SYN2: variants seen among roughly 807,000 people sequenced by gnomAD.
SYN2 encodes the protein synapsin II, also known as synapsin-2.
Under a neutral mutation model 50.9 loss-of-function variants are expected in SYN2, and 19 were observed. That is an observed-to-expected ratio of 0.37 (90% CI 0.26 to 0.55). The LOEUF is 0.55. Among genes scored for constraint, SYN2 ranks in the 20% least tolerant of loss-of-function variants. The probability of loss-of-function intolerance (pLI) is 0.81; values close to 1 mark genes in which losing one functional copy is unlikely to be tolerated. For synonymous variants in SYN2, 255 were observed against 224.9 expected (o/e 1.13, Z -1.20); for missense variants, 587 against 576.4 (o/e 1.02, Z -0.19).
rs1299354052 is a variant in SYN2, at chr3:12,136,544, T to C, written c.378-4107T>C. Among the ~76,000 whole-genome samples the C allele has an allele frequency of 3.7e-4, 57 of 152,322 alleles. No homozygotes were observed. In the South Asian group the frequency reaches 9.1e-3, roughly 24 times the overall value. On this transcript the variant is annotated intron_variant, in intron 1 of 12. Transcript: ENST00000621198. Reference sequence around the variant, plus strand: ...ATCCAATGCATAAAAGAGGGCGTATTTAAGCTAGGCTTGCCTGGGTTGGGC... The same window carrying C: ...ATCCAATGCATAAAAGAGGGCGTATCTAAGCTAGGCTTGCCTGGGTTGGGC...
chr3:12,059,609 T>TA (rs1695071583), intron 1 of SYN2, among the ~76,000 whole-genome samples: 1 of 152,198 alleles, frequency 6.6e-6, no homozygotes. Context: ...CTCAGGGACA[T>TA]ACGTTAAGAT....
intron 12 of SYN2, among the ~76,000 whole-genome samples, chr3:12,188,929 A>G (rs1442670053): frequency 6.6e-6 from 1 of 152,156 alleles, no homozygotes; most frequent in Non-Finnish European, 1.5e-5. Flanking sequence ...AAGCTGTTGA[A>G]TAGAGCCAAC....
intron 1 of SYN2, among the ~76,000 whole-genome samples, chr3:12,049,952 G>C (rs967107630): frequency 6.6e-6 from 1 of 152,030 alleles, no homozygotes; most frequent in African/African-American, 2.4e-5. Flanking sequence ...TGTTTTGTTT[G>C]TTTTTGTTTT....
intron 1 of SYN2, among the ~76,000 whole-genome samples, chr3:12,139,810 G>A (rs1455923057): frequency 5.9e-5 from 9 of 152,164 alleles, no homozygotes; most frequent in Admixed American, 5.9e-4. Flanking sequence ...TGGAGAACCA[G>A]CCTAAAAGGA....
At chr3:12,118,467 A>C (rs1696482963) in intron 1 of SYN2, among the ~76,000 whole-genome samples, 1 of 152,224 alleles carries the variant, frequency 6.6e-6, no homozygotes, top group African/African-American at 2.4e-5. Flanking sequence ...TTTACAGATG[A>C]GGAAACAGGC....
At chr3:12,161,809 C>T in intron 6 of SYN2, 2 of 974,194 alleles carry the variant, frequency 2.1e-6, no homozygotes, top group Middle Eastern at 3.3e-4. Flanking sequence ...GCTTGGTCCT[C>T]TGGGTCCTTT....
At chr3:12,063,819 A>T (rs1236210700) in intron 1 of SYN2, among the ~76,000 whole-genome samples, 1 of 151,980 alleles carries the variant, frequency 6.6e-6, no homozygotes, top group Non-Finnish European at 1.5e-5. Context: ...GTCCATACTG[A>T]TGCAAATAAA....
chr3:12,141,976 G>C lies in SYN2; in HGVS notation c.507G>C (p.Arg169=). The C allele has an allele frequency of 1.3e-6, 1 of 780,852 alleles. No homozygotes were observed. The highest frequency in any genetic ancestry group is 2.4e-6 in the Non-Finnish European group (1 of 417,944). 48.4% of individuals were successfully genotyped at this position (780,852 alleles called of 1,614,324 possible). A position where few individuals can be genotyped will look rare whatever the true frequency, so the allele number is the denominator to read the frequency against. ...GTYAVDMQVL[R]NGTKVVRSFR... Reference sequence around the variant, plus strand: ...ATGCTGTGGATATGCAGGTTCTCCGGAATGGCACAAAGGTTGTCCGGTAAG... The same window carrying C: ...ATGCTGTGGATATGCAGGTTCTCCGCAATGGCACAAAGGTTGTCCGGTAAG... Residue 169 remains arginine (R), a synonymous_variant, in exon 3 of 13, where the codon CGG becomes CGC. Transcript: ENST00000621198.
intron 1 of SYN2, among the ~76,000 whole-genome samples, chr3:12,019,979 TA>T (rs1232024860): frequency 6.6e-6 from 1 of 152,188 alleles, no homozygotes; most frequent in Non-Finnish European, 1.5e-5. Context: ...CAGGGATAGA[TA>T]AAAAAATTGC....
chr3:12,005,372 T>C (rs1460086974), intron 1 of SYN2, among the ~76,000 whole-genome samples: 1 of 151,738 alleles, frequency 6.6e-6, no homozygotes, highest in Non-Finnish European at 1.5e-5. Context: ...GAATGGAAAT[T>C]GGTATTTTGG....
intron 5 of SYN2, chr3:12,153,799 G>A: frequency 1.4e-6 from 2 of 1,446,554 alleles, no homozygotes; most frequent in Non-Finnish European, 1.9e-6. Context: ...TACCTTTCCA[G>A]CCCATCTCAA....
intron 10 of SYN2, among the ~76,000 whole-genome samples, chr3:12,182,941 G>A (rs527732874): frequency 3.3e-5 from 5 of 152,368 alleles, no homozygotes; most frequent in East Asian, 3.9e-4. Context: ...AGGCCTGTAC[G>A]TAGAAGTGGG....
chr3:12,187,301 G>A, intron 11 of SYN2, 68 bp from the exon 12 acceptor site: 2 of 1,464,194 alleles, frequency 1.4e-6, no homozygotes, highest in Non-Finnish European at 9.1e-7. Flanking sequence ...ACCCTTTGAG[G>A]CATAAATTCT....
chr3:12,120,087 G>C (rs1162947342), intron 1 of SYN2, among the ~76,000 whole-genome samples: 1 of 152,144 alleles, frequency 6.6e-6, no homozygotes, highest in Non-Finnish European at 1.5e-5. Flanking sequence ...TTGAAATGAG[G>C]TTGGAGGTTC....
chr3:12,059,748 G>C (rs1695074449), intron 1 of SYN2, among the ~76,000 whole-genome samples: 1 of 152,072 alleles, frequency 6.6e-6, no homozygotes, highest in East Asian at 1.9e-4. Flanking sequence ...CTAGGCGCCT[G>C]GAATTTTTCT....
chr3:12,056,488 A>T (rs537166190), intron 1 of SYN2, among the ~76,000 whole-genome samples: 40 of 152,264 alleles, frequency 2.6e-4, no homozygotes, highest in Admixed American at 1.2e-3. Flanking sequence ...TAAAGAAAAA[A>T]ATGTTTTCTG....
At chr3:12,053,834 A>G (rs994641929) in intron 1 of SYN2, among the ~76,000 whole-genome samples, 8 of 152,234 alleles carry the variant, frequency 5.3e-5, no homozygotes, top group Non-Finnish European at 8.8e-5. Context: ...TAAACCTCGA[A>G]TAATTAAAAA....
chr3:12,037,630 C>G (rs1694526046), intron 1 of SYN2, among the ~76,000 whole-genome samples: 1 of 152,118 alleles, frequency 6.6e-6, no homozygotes, highest in Non-Finnish European at 1.5e-5. Flanking sequence ...GGGTTGAACT[C>G]ATCCTTTTAT....
intron 5 of SYN2, chr3:12,157,445 C>T (rs755939718): frequency 1.2e-5 from 20 of 1,614,020 alleles, no homozygotes; most frequent in East Asian, 1.1e-4. Flanking sequence ...CTGCACTGGC[C>T]GGAACTACCT....
Sources: gnomAD v4.1 joint callset for allele counts (sites outside exome capture counted in the v4.1 genomes callset) on GRCh38, gnomAD v4.1.1 for gene constraint, MANE v1.5 for transcripts, NCBI Gene and HGNC (gene_info 2026-07-23, HGNC 2026-07-21) for gene names.